GON4L: variants seen among roughly 807,000 people sequenced by gnomAD.
GON4L encodes GON-4-like protein.
GON4L carries 87 observed loss-of-function variants against 211.8 expected under a neutral mutation model. That is an observed-to-expected ratio of 0.41 (90% CI 0.35 to 0.49). The LOEUF (loss-of-function observed/expected upper bound fraction) is 0.49. Among genes scored for constraint, GON4L ranks in the 20% least tolerant of loss-of-function variants. The pLI is 0.15. For synonymous variants in GON4L, 875 were observed against 962.6 expected (o/e 0.91, Z 1.68); for missense variants, 2,155 against 2,659.5 (o/e 0.81, Z 4.17).
intron 27 of GON4L, among the ~76,000 whole-genome samples, chr1:155,755,067 A>ATTT (rs1231154456): frequency 8.0e-6 from 1 of 125,104 alleles, no homozygotes; most frequent in African/African-American, 3.0e-5. Context: ...CGCCTAGCTA[A>ATTT]TTTTTTTTTT....
intron 11 of GON4L, among the ~76,000 whole-genome samples, chr1:155,799,230 T>A (rs958599619): frequency 6.6e-6 from 1 of 151,822 alleles, no homozygotes; most frequent in Non-Finnish European, 1.5e-5. Flanking sequence ...AGGTTAGGAG[T>A]TCAAGACCAG....
chr1:155,753,265 G>A lies in GON4L; in HGVS notation c.5781C>T (p.Ser1927=). The A allele has an allele frequency of 6.2e-7, 1 of 1,612,680 alleles. No individual in the cohort carries two copies. Among genetic ancestry groups the A allele is most frequent in the Admixed American group, 1.7e-5 (1 of 59,834 alleles). The part of the protein sequence containing the change: ...MEEEAPEERE[S]TEATQSRTVR... ...CAGTCCTGCTCTGGGTGGCCTCAGTGCTCTCCCGCTCCTCTGGGGCTTCCT... is the reference window on the plus strand; with the variant it reads ...CAGTCCTGCTCTGGGTGGCCTCAGTACTCTCCCGCTCCTCTGGGGCTTCCT... The change falls in exon 29 of 32, where the codon AGC becomes AGT. Residue 1927 remains serine (S), a synonymous_variant. Transcript: ENST00000368331.
At position 155,853,825 on chromosome 1, in the gene GON4L, C is replaced by G. The variant is rs1356155613; in HGVS notation, c.-26-19G>C. 2 of 1,450,172 alleles carry G rather than the reference C, an allele frequency of 1.4e-6. No individual in the cohort carries two copies. Among genetic ancestry groups the G allele is most frequent in the African/African-American group, 2.8e-5 (2 of 71,842 alleles). 89.8% of individuals were successfully genotyped at this position (1,450,172 alleles called of 1,614,324 possible). ...TTCCATTCTGAAAGAATAAAAAGTT[C>G]TTACTGCCTTCATATTAATTAAAAG... On this transcript the variant is annotated intron_variant, in intron 1 of 31. Transcript: ENST00000368331.
rs367915089 is a variant in GON4L, at chr1:155,853,511, T to C, written c.270A>G (p.Pro90=). The part of the protein sequence containing the change: ...SGMLTQNTNV[P]ILEGVDVAIS... Reference sequence around the variant, plus strand: ...TGGCCACATCAACACCTTCTAGAATTGGTACATTTGTGTTCTGGGTGAGCA... The same window carrying C: ...TGGCCACATCAACACCTTCTAGAATCGGTACATTTGTGTTCTGGGTGAGCA... Residue 90 remains proline (P), a synonymous_variant, in exon 2 of 32, where the codon CCA becomes CCG. Coordinates refer to ENST00000368331, the MANE Select transcript of GON4L (RefSeq NM_001282860.2). 1.2e-6 allele frequency: 2 copies of C among 1,614,116 alleles called. No homozygotes were observed. The highest frequency in any genetic ancestry group is 1.6e-4 in the Middle Eastern group (1 of 6,084).
intron 18 of GON4L, among the ~76,000 whole-genome samples, chr1:155,772,795 T>G (rs1016737827): frequency 1.3e-5 from 2 of 151,984 alleles, no homozygotes; most frequent in Non-Finnish European, 2.9e-5. Flanking sequence ...CCTCCTGCCT[T>G]GGCCTTTCAA....
At chr1:155,805,289 G>A (rs1223076152) in intron 10 of GON4L, 148 bp from the exon 11 acceptor site, 15 of 650,344 alleles carry the variant, frequency 2.3e-5, no homozygotes, top group Non-Finnish European at 3.0e-5. Flanking sequence ...TAAGAAACAC[G>A]ACATAAAAAA....
intron 2 of GON4L, among the ~76,000 whole-genome samples, chr1:155,843,665 G>C (rs939877186): frequency 3.0e-4 from 45 of 152,110 alleles, no homozygotes; most frequent in African/African-American, 1.1e-3. Context: ...GGATCCCACT[G>C]GTAAACAAGG....
intron 14 of GON4L, 64 bp downstream of exon 14, chr1:155,783,922 T>C: frequency 4.4e-6 from 7 of 1,605,226 alleles, no homozygotes; most frequent in Non-Finnish European, 6.0e-6. Context: ...TTGCAACTTC[T>C]GAAAACCTTT....
rs934583825 is a variant in GON4L at position 155,777,789 on chromosome 1, C to T, written c.1924G>A (p.Glu642Lys). The T allele has an allele frequency of 2.5e-6, 4 of 1,613,472 alleles. No homozygotes were observed. The highest frequency in any genetic ancestry group is 3.4e-6 in the Non-Finnish European group (4 of 1,179,480). Reference sequence around the variant, plus strand: ...AGCTCCTTCACTGTCCGATGTTGTTCATTTAACAGGTTGGCCAGTGGTTCC... The same window carrying T: ...AGCTCCTTCACTGTCCGATGTTGTTTATTTAACAGGTTGGCCAGTGGTTCC... The part of the protein sequence containing the change: ...FEEPLANLLN[E>K]QHRTVKELFE... Residue 642 changes from glutamate to lysine, a missense_variant, in exon 15 of 32, where the codon GAA (glutamate) becomes AAA (lysine). Around this residue, in one of 6 missense-constraint regions of GON4L, gnomAD observed 551 missense variants for 854.0 expected, o/e 0.65. Transcript: ENST00000368331.
chr1:155,760,938 T>C (rs745425903), intron 23 of GON4L, among the ~76,000 whole-genome samples: 8 of 152,224 alleles, frequency 5.3e-5, no homozygotes, highest in Non-Finnish European at 7.3e-5. Context: ...TCCTTACTGA[T>C]TACAGCCCCA....
chr1:155,809,842 A>G (rs1397255697), intron 10 of GON4L, among the ~76,000 whole-genome samples: 2 of 12,132 alleles, frequency 1.6e-4, no homozygotes, highest in African/African-American at 4.1e-4. Context: ...TTATATACTT[A>G]TATATAATTA....
rs1406647676 is a variant in GON4L, at chr1:155,816,196, T to C, written c.1065+16A>G. ...TCTTTCTGGAAAAGAATAACAATTA[T>C]TTCTTCCAAGTTTACCTTAATTTCA... is the stretch of plus-strand genomic sequence containing the variant. On this transcript the variant is annotated intron_variant, in intron 7 of 31. Transcript: ENST00000368331. 8.1e-7 allele frequency: 1 copy of C among 1,232,086 alleles called. No homozygotes were observed. Among genetic ancestry groups the C allele is most frequent in the South Asian group, 1.2e-5 (1 of 82,174 alleles). The allele number at this position is 1,232,086 out of a possible 1,614,324, so 76.3% of individuals were successfully genotyped here.
chr1:155,856,688 A>G (rs1557941574), intron 1 of GON4L, among the ~76,000 whole-genome samples: 2 of 147,924 alleles, frequency 1.4e-5, no homozygotes, highest in Non-Finnish European at 2.9e-5. Context: ...TGGTGACCTT[A>G]TAAGAAATAG....
intron 11 of GON4L, among the ~76,000 whole-genome samples, chr1:155,795,844 C>T (rs1030728433): frequency 6.6e-6 from 1 of 152,018 alleles, no homozygotes; most frequent in African/African-American, 2.4e-5. Flanking sequence ...TGGTATGTTG[C>T]CCAGACTGGT....
chr1:155,825,102 G>A (rs1669075011), intron 3 of GON4L, among the ~76,000 whole-genome samples: 1 of 151,942 alleles, frequency 6.6e-6, no homozygotes, highest in African/African-American at 2.4e-5. Flanking sequence ...AGTTCAAATT[G>A]CAGTGAGCTA....
Position 155,754,418 on chromosome 1 carries a change from A to T in GON4L, c.5588T>A (p.Leu1863Gln), listed in dbSNP as rs772807121. Residue 1863 changes from leucine to glutamine, a missense_variant, in exon 28 of 32, where the codon CTG (leucine) becomes CAG (glutamine). Physicochemically the swap from Leu to Gln is moderately radical, Grantham distance 113. Transcript: ENST00000368331. ...ACAGCTCCGCCTTTTGCTCTTCTTC[A>T]GCTTGGAATCTGGACCTCCTTCATG... Reference protein sequence around the residue: ...SCHEGGPDSKLKKSKRRSCSH... With the variant: ...SCHEGGPDSKQKKSKRRSCSH... 6.2e-7 allele frequency: 1 copy of T among 1,612,890 alleles called. No homozygotes were observed. The highest frequency in any genetic ancestry group is 1.1e-5 in the South Asian group (1 of 91,056).
rs370163727 is a variant in GON4L at position 155,793,235 on chromosome 1, G to A, written c.1747+1815C>T. 3.3e-5 allele frequency among the ~76,000 whole-genome samples: 5 copies of A among 152,100 alleles called. 2 individuals carry two copies. On this transcript the variant is annotated intron_variant, in intron 12 of 31. Transcript: ENST00000368331. ...TCCTTTCAATGCTTCCACTATCCCTGTCATAGTATATCAAAATAAATGAAA... is the reference window on the plus strand; with the variant it reads ...TCCTTTCAATGCTTCCACTATCCCTATCATAGTATATCAAAATAAATGAAA...
At chr1:155,816,955 T>G (rs552612062) in intron 6 of GON4L, among the ~76,000 whole-genome samples, 1 of 152,094 alleles carries the variant, frequency 6.6e-6, no homozygotes, top group Non-Finnish European at 1.5e-5. Context: ...TTTGAATGTT[T>G]GAAAATTTTT....
chr1:155,810,729 C>T (rs1667685227), intron 10 of GON4L, among the ~76,000 whole-genome samples: 1 of 149,894 alleles, frequency 6.7e-6, no homozygotes, highest in Non-Finnish European at 1.5e-5. Context: ...AAAAAATTTA[C>T]TGGCTAAGGC....
Sources: gnomAD v4.1 joint callset for allele counts (sites outside exome capture counted in the v4.1 genomes callset) on GRCh38, gnomAD v4.1.1 for gene constraint, gnomAD v4.1.1 regional missense constraint, MANE v1.5 for transcripts, NCBI Gene and HGNC (gene_info 2026-07-23, HGNC 2026-07-21) for gene names.